Variants in GAS7 observed in about 807,000 individuals in gnomAD.
GAS7 encodes the protein growth arrest specific 7, also known as growth arrest-specific protein 7.
A neutral mutation model predicts 71.1 loss-of-function variants in GAS7; 28 were observed. The ratio of observed to expected loss-of-function variants is 0.39; its 90% CI spans 0.29 to 0.54. GAS7 has a LOEUF of 0.54. Ranked by LOEUF, GAS7 falls within the 20% of genes least tolerant of loss-of-function variation. GAS7 has a pLI of 0.62. For missense variants in GAS7, 436 were observed against 627.8 expected (o/e 0.69, Z 3.27); for synonymous variants, 258 against 245.8 (o/e 1.05, Z -0.46).
intron 1 of GAS7, among the ~76,000 whole-genome samples, chr17:10,186,399 A>C (rs1451945035): frequency 1.5e-5 from 2 of 133,342 alleles, no homozygotes; most frequent in Non-Finnish European, 3.1e-5. Flanking sequence ...ACGTATTCAA[A>C]GGCTTTTTTT....
intron 2 of GAS7, among the ~76,000 whole-genome samples, chr17:10,017,699 T>G (rs1195909471): frequency 2.0e-5 from 3 of 152,174 alleles, no homozygotes; most frequent in Non-Finnish European, 4.4e-5. Flanking sequence ...GATAAAGTCT[T>G]ATTGGAACAC....
chr17:9,937,935 C>T (rs934548302), intron 8 of GAS7, among the ~76,000 whole-genome samples: 2 of 152,136 alleles, frequency 1.3e-5, no homozygotes, highest in Non-Finnish European at 2.9e-5. Flanking sequence ...ATTCATATAA[C>T]ATAAAATTAA....
intron 3 of GAS7, among the ~76,000 whole-genome samples, chr17:9,980,701 AACAG>A (rs1303401732): frequency 2.6e-5 from 4 of 152,184 alleles, no homozygotes; most frequent in Non-Finnish European, 5.9e-5. Flanking sequence ...TCACAAAAGA[AACAG>A]ACAAAGTCCC....
At chr17:10,107,341 A>G (rs1439652070) in intron 1 of GAS7, among the ~76,000 whole-genome samples, 1 of 152,260 alleles carries the variant, frequency 6.6e-6, no homozygotes, top group African/African-American at 2.4e-5. Flanking sequence ...GAGGCCAAAG[A>G]CGAGACACAG....
rs1336151027 is a variant in GAS7, at chr17:10,034,995, A to G, written c.184-15098T>C. 2.6e-5 allele frequency among the ~76,000 whole-genome samples: 4 copies of G among 152,030 alleles called. No individual in the cohort carries two copies. Among genetic ancestry groups the G allele is most frequent in the Non-Finnish European group, 5.9e-5 (4 of 67,994 alleles). ...TTTTCTGGGCCTGTTAGCAGTTAGCACTTCTGGCTGACTGCTCACATTACA... is the reference window on the plus strand; with the variant it reads ...TTTTCTGGGCCTGTTAGCAGTTAGCGCTTCTGGCTGACTGCTCACATTACA... On this transcript the variant is annotated intron_variant, in intron 1 of 13. Transcript: ENST00000432992. The surrounding 1 kb of genome is among the most constrained non-coding windows in gnomAD (Gnocchi z 4.4).
intron 2 of GAS7, among the ~76,000 whole-genome samples, chr17:10,003,206 C>A (rs1018064462): frequency 3.9e-5 from 6 of 152,120 alleles, no homozygotes; most frequent in Non-Finnish European, 8.8e-5. Context: ...AAAGTCTGGA[C>A]AAATGAGAAA....
At chr17:10,175,256 T>C (rs1260463021) in intron 1 of GAS7, among the ~76,000 whole-genome samples, 1 of 151,760 alleles carries the variant, frequency 6.6e-6, no homozygotes, top group African/African-American at 2.4e-5. Flanking sequence ...CCTAGGTCCC[T>C]ATGTTTTTTC....
chr17:10,133,122 A>ATATATATATATTTT (rs1392845338), intron 1 of GAS7, among the ~76,000 whole-genome samples: 2 of 118,886 alleles, frequency 1.7e-5, no homozygotes, highest in African/African-American at 3.0e-5. Context: ...ATATTTTTAT[A>ATATATATATATTTT]TTTTTTTTTT....
Position 10,137,266 on chromosome 17 carries a change from G to T in GAS7, c.183+60942C>A, listed in dbSNP as rs576052539. On this transcript the variant is annotated intron_variant, in intron 1 of 13. Coordinates refer to ENST00000432992, the MANE Select transcript of GAS7 (RefSeq NM_201433.2). ...AACCTTCTTCCCCAGATTTCCATAT[G>T]GCTCATTCCCTCTCCATTAAGTTCT... Among the ~76,000 whole-genome samples the T allele has an allele frequency of 1.8e-4, 28 of 152,110 alleles. No individual in the cohort carries two copies. The East Asian group carries it at 5.2e-3, about 28-fold the overall frequency.
intron 1 of GAS7, among the ~76,000 whole-genome samples, chr17:10,143,087 C>A (rs931999154): frequency 2.0e-5 from 3 of 151,506 alleles, no homozygotes; most frequent in Non-Finnish European, 4.4e-5. Flanking sequence ...GAGGCTGAGG[C>A]GGGAGAATCG....
intron 1 of GAS7, among the ~76,000 whole-genome samples, chr17:10,110,678 G>A (rs1403001763): frequency 1.3e-5 from 2 of 152,096 alleles, no homozygotes; most frequent in Non-Finnish European, 2.9e-5. Flanking sequence ...CACCATATTG[G>A]TCAGGCTGGT....
chr17:10,073,835 G>A (rs1036656078), intron 1 of GAS7, among the ~76,000 whole-genome samples: 3 of 152,186 alleles, frequency 2.0e-5, no homozygotes, highest in Non-Finnish European at 4.4e-5. Context: ...TACTTCCTCA[G>A]TTCTCTAACT....
chr17:10,017,490 G>A (rs934845400), intron 2 of GAS7, among the ~76,000 whole-genome samples: 19 of 151,948 alleles, frequency 1.3e-4, no homozygotes, highest in African/African-American at 2.9e-4. Context: ...CACCACACCC[G>A]GATAATTTTG....
At chr17:10,045,602 C>T (rs1332206083) in intron 1 of GAS7, among the ~76,000 whole-genome samples, 1 of 152,148 alleles carries the variant, frequency 6.6e-6, no homozygotes, top group Non-Finnish European at 1.5e-5. Context: ...CAGGCTGAGA[C>T]AGGAGAATTG....
At chr17:10,005,223 A>C (rs552139950) in intron 2 of GAS7, among the ~76,000 whole-genome samples, 2 of 97,586 alleles carry the variant, frequency 2.0e-5, no homozygotes, top group Non-Finnish European at 3.9e-5. Context: ...GCGCGTGTGC[A>C]TGTATGTGTA....
chr17:10,182,543 G>A (rs186850404), intron 1 of GAS7, among the ~76,000 whole-genome samples: 10 of 152,292 alleles, frequency 6.6e-5, no homozygotes, highest in Admixed American at 3.9e-4. Flanking sequence ...AAGAACCCAT[G>A]TGGCCTCCCA....
At chr17:10,001,692 C>CA (rs1423606068) in intron 2 of GAS7, among the ~76,000 whole-genome samples, 3 of 152,236 alleles carry the variant, frequency 2.0e-5, no homozygotes, top group African/African-American at 7.2e-5. Flanking sequence ...AGCACAGCTG[C>CA]AGGCAAGACC....
intron 4 of GAS7, among the ~76,000 whole-genome samples, chr17:9,960,908 T>C (rs2069464296): frequency 6.6e-6 from 1 of 152,224 alleles, no homozygotes; most frequent in African/African-American, 2.4e-5. Context: ...TCTGACTTCT[T>C]TGAGCCTCAA....
chr17:10,161,888 C>G (rs1174182382), intron 1 of GAS7, among the ~76,000 whole-genome samples: 1 of 151,904 alleles, frequency 6.6e-6, no homozygotes, highest in Non-Finnish European at 1.5e-5. Context: ...CGCGGTGAAA[C>G]CCCGTCTCTA....
Sources: gnomAD v4.1 joint callset for allele counts (sites outside exome capture counted in the v4.1 genomes callset) on GRCh38, gnomAD v4.1.1 for gene constraint, Gnocchi (gnomAD v3.1) non-coding constraint, MANE v1.5 for transcripts, NCBI Gene and HGNC (gene_info 2026-07-23, HGNC 2026-07-21) for gene names.